Variants in CSMD1 observed in about 807,000 individuals in gnomAD.
CSMD1 encodes CUB and Sushi multiple domains 1.
CSMD1 carries 213 observed loss-of-function variants against 417.5 expected under a neutral mutation model. The ratio of observed to expected loss-of-function variants is 0.51; its 90% confidence interval spans 0.46 to 0.57. The LOEUF is 0.57. Ranked by LOEUF, CSMD1 falls within the 20% of genes least tolerant of loss-of-function variation. The pLI is 0.00. For missense variants in CSMD1, 6,923 were observed against 4,529.7 expected, an observed-to-expected ratio of 1.53 and a Z score of -15.17; for synonymous variants, 2,862 against 1,736.8, an observed-to-expected ratio of 1.65 and a Z score of -16.11.
At chr8:3,956,146 CTAA>C in intron 5 of CSMD1, among the ~76,000 whole-genome samples, 1 of 151,818 alleles carries the variant, frequency 6.6e-6, no homozygotes, top group South Asian at 2.1e-4. Flanking sequence ...GGACCAAAAT[CTAA>C]TAATCTTAGA....
At position 3,087,249 on chromosome 8, in the gene CSMD1, C is replaced by G. The variant is rs758320929; in HGVS notation, c.7322G>C (p.Gly2441Ala). The change falls in exon 49 of 70, where the codon GGG becomes GCG. Residue 2441 changes from glycine to alanine, a missense_variant. Physicochemically the swap from Gly to Ala is moderately conservative, Grantham distance 60 (BLOSUM62 0). Transcript: ENST00000635120. ...TCCTGCAGTCCTGTTTAGAATACCC[C>G]CATTCTTCAGGGGGTGGGTCAAACT... The part of the protein sequence containing the change: ...YCSLTHPLKN[G>A]GILNRTAGAV... 17 of 1,613,948 alleles carry G rather than the reference C, an allele frequency of 1.1e-5. No individual in the cohort carries two copies. Among genetic ancestry groups the G allele is most frequent in the Middle Eastern group, 1.7e-4 (1 of 6,050 alleles).
intron 23 of CSMD1, among the ~76,000 whole-genome samples, chr8:3,315,809 C>CTT (rs527403622): frequency 6.6e-6 from 1 of 152,116 alleles, no homozygotes; most frequent in African/African-American, 2.4e-5. Flanking sequence ...ATCAAGCAAA[C>CTT]TTTTAATAAA....
At chr8:4,684,701 C>T (rs558001047) in intron 1 of CSMD1, among the ~76,000 whole-genome samples, 3 of 152,236 alleles carry the variant, frequency 2.0e-5, no homozygotes, top group South Asian at 4.2e-4. Context: ...TACGCTTTCC[C>T]TGTCTCAGGG....
intron 1 of CSMD1, among the ~76,000 whole-genome samples, chr8:4,714,741 C>G (rs942326895): frequency 6.6e-6 from 1 of 152,072 alleles, no homozygotes; most frequent in African/African-American, 2.4e-5. Context: ...AATTATGCCA[C>G]TTAAATTTTG....
chr8:2,984,796 T>C (rs1805731801), intron 54 of CSMD1, among the ~76,000 whole-genome samples: 1 of 152,140 alleles, frequency 6.6e-6, no homozygotes, highest in South Asian at 2.1e-4. Flanking sequence ...GGTTTGGAGG[T>C]AATAAACTTT....
At chr8:3,586,378 A>C in intron 8 of CSMD1, 118 bp from the exon 9 acceptor site, 1 of 914,738 alleles carries the variant, frequency 1.1e-6, no homozygotes, top group East Asian at 2.6e-5. Context: ...ACAGCCTAAG[A>C]CATTAAGCAA....
intron 26 of CSMD1, among the ~76,000 whole-genome samples, chr8:3,255,577 CT>C (rs1269411671): frequency 6.6e-6 from 1 of 152,194 alleles, no homozygotes; most frequent in Non-Finnish European, 1.5e-5. Flanking sequence ...GTGGACGCCC[CT>C]CTCCCAGCCT....
At chr8:4,871,721 A>G (rs562022566) in intron 1 of CSMD1, among the ~76,000 whole-genome samples, 2 of 152,246 alleles carry the variant, frequency 1.3e-5, no homozygotes, top group African/African-American at 2.4e-5. Context: ...AGCTCAATGC[A>G]TAATTTCAGA....
chr8:3,894,648 T>C (rs1807233072), intron 5 of CSMD1, among the ~76,000 whole-genome samples: 2 of 152,210 alleles, frequency 1.3e-5, no homozygotes, highest in Non-Finnish European at 2.9e-5. Flanking sequence ...AAGACTTCAC[T>C]ATTAACCTAA....
intron 5 of CSMD1, among the ~76,000 whole-genome samples, chr8:3,945,597 C>A (rs1811172640): frequency 6.6e-6 from 1 of 152,092 alleles, no homozygotes; most frequent in Non-Finnish European, 1.5e-5. Flanking sequence ...CAATTAATAT[C>A]ATCATTAGGC....
At chr8:3,839,083 TATATA>T (rs1370440435) in intron 5 of CSMD1, among the ~76,000 whole-genome samples, 51 of 119,616 alleles carry the variant, frequency 4.3e-4, no homozygotes, top group East Asian at 2.0e-3. Context: ...GCCTAGGCTA[TATATA>T]ATATAATATA....
intron 2 of CSMD1, among the ~76,000 whole-genome samples, chr8:4,527,726 A>C (rs141146530): frequency 6.6e-6 from 1 of 152,200 alleles, no homozygotes; most frequent in Non-Finnish European, 1.5e-5. Flanking sequence ...ACTGATAATG[A>C]AATGCATCAT....
At chr8:3,397,720 C>G (rs1410297269) in intron 16 of CSMD1, among the ~76,000 whole-genome samples, 1 of 152,188 alleles carries the variant, frequency 6.6e-6, no homozygotes, top group Non-Finnish European at 1.5e-5. Flanking sequence ...TATCCTGTTT[C>G]TTTAGTAACA....
chr8:3,876,025 T>C (rs1314601620), intron 5 of CSMD1, among the ~76,000 whole-genome samples: 2 of 152,234 alleles, frequency 1.3e-5, no homozygotes. Flanking sequence ...CCAGTTTTTA[T>C]ACCCTTTGAT....
chr8:3,734,107 G>A (rs1366634781), intron 6 of CSMD1, among the ~76,000 whole-genome samples: 2 of 152,088 alleles, frequency 1.3e-5, no homozygotes, highest in Non-Finnish European at 2.9e-5. Context: ...GTTCCAATGT[G>A]CTAAATTAAT....
rs549918600 is a variant in CSMD1, at chr8:4,600,979, G to A, written c.302+36363C>T. ...AGATTTTTTTTTTTTTTTTTGAGAT[G>A]AAGTTTTGCTCTCGTCACCCAGGCT... On this transcript the variant is annotated intron_variant, in intron 2 of 69. Coordinates refer to ENST00000635120, the MANE Select transcript of CSMD1 (RefSeq NM_033225.6). Among the ~76,000 whole-genome samples, 290 of 124,320 alleles carry A rather than the reference G, an allele frequency of 2.3e-3. 1 individual carries two copies. The highest frequency in any genetic ancestry group is 8.2e-3 in the African/African-American group (279 of 34,070). The allele number at this position is 124,320 out of a possible 152,430, so 81.6% of individuals were successfully genotyped here. A position where few individuals can be genotyped will look rare whatever the true frequency, so the allele number is the denominator to read the frequency against.
Position 3,102,987 on chromosome 8 carries a change from A to T in CSMD1, c.6949+3541T>A, listed in dbSNP as rs1486418974. 2.0e-5 allele frequency among the ~76,000 whole-genome samples: 3 copies of T among 152,148 alleles called. No homozygotes were observed. The South Asian group carries it at 6.2e-4, about 32-fold the overall frequency. On this transcript the variant is annotated intron_variant, in intron 46 of 69. Coordinates refer to ENST00000635120, the MANE Select transcript of CSMD1 (RefSeq NM_033225.6). Reference sequence around the variant, plus strand: ...TATTGGGGTCTAAAGGAGCTCCCCAAACCTTTGTGATTTAGCGGGAGACAA... The same window carrying T: ...TATTGGGGTCTAAAGGAGCTCCCCATACCTTTGTGATTTAGCGGGAGACAA...
chr8:4,151,659 T>C (rs556759436), intron 3 of CSMD1, among the ~76,000 whole-genome samples: 5 of 152,310 alleles, frequency 3.3e-5, no homozygotes, highest in Admixed American at 3.3e-4. Flanking sequence ...TCATTATTAT[T>C]ATGTCAACAT....
At chr8:4,391,782 G>C (rs1034896254) in intron 3 of CSMD1, among the ~76,000 whole-genome samples, 2 of 152,138 alleles carry the variant, frequency 1.3e-5, no homozygotes, top group Non-Finnish European at 2.9e-5. Context: ...TCTCCCCTGA[G>C]TTTGAGCGGC....
Sources: allele counts gnomAD v4.1 joint callset (sites outside exome capture counted in the v4.1 genomes callset), GRCh38; gene constraint gnomAD v4.1.1; transcripts MANE v1.5; gene names NCBI Gene and HGNC (gene_info 2026-07-23, HGNC 2026-07-21).